Variants in SUGCT observed in about 807,000 individuals in gnomAD.
The protein encoded by SUGCT is succinyl-CoA:glutarate CoA-transferase.
In SUGCT, 41 loss-of-function variants were observed where a neutral mutation model predicts 55.0. That is an observed-to-expected ratio of 0.74 (90% CI 0.58 to 0.97). SUGCT has a LOEUF of 0.97. Among genes scored for constraint, SUGCT ranks in the 50% least tolerant of loss-of-function variants. SUGCT has a pLI of 0.00. For missense variants in SUGCT, 568 were observed against 547.8 expected (o/e 1.04, Z -0.37); for synonymous variants, 187 against 200.4 (o/e 0.93, Z 0.56).
At chr7:40,683,306 A>G (rs1022979089) in intron 12 of SUGCT, among the ~76,000 whole-genome samples, 9 of 152,118 alleles carry the variant, frequency 5.9e-5, no homozygotes, top group African/African-American at 2.2e-4. Flanking sequence ...TAGCCCTGAA[A>G]CTTCTGCAAA....
At chr7:40,676,889 A>G (rs1784011050) in intron 12 of SUGCT, among the ~76,000 whole-genome samples, 1 of 127,480 alleles carries the variant, frequency 7.8e-6, no homozygotes, top group African/African-American at 3.1e-5. Flanking sequence ...AAACTTTCAG[A>G]ATGACGTGTG....
chr7:40,709,794 A>G (rs1785613718), intron 12 of SUGCT, among the ~76,000 whole-genome samples: 1 of 152,178 alleles, frequency 6.6e-6, no homozygotes, highest in Non-Finnish European at 1.5e-5. Context: ...TCAGTTTCAG[A>G]ATCACTTGGA....
At chr7:40,926,243 CT>C in the SUGCT span, among the ~76,000 whole-genome samples, 3 of 152,002 alleles carry the variant, frequency 2.0e-5, no homozygotes, top group Admixed American at 6.6e-5. Context: ...GTAATCAAGC[CT>C]TATTCTTCTT....
chr7:40,350,932 C>G (rs935290525), intron 9 of SUGCT, among the ~76,000 whole-genome samples: 1 of 151,962 alleles, frequency 6.6e-6, no homozygotes, highest in Non-Finnish European at 1.5e-5. Context: ...ATGATGGGTT[C>G]CAGTTTCATC....
intron 10 of SUGCT, among the ~76,000 whole-genome samples, chr7:40,454,288 G>A (rs1020842582): frequency 4.6e-5 from 7 of 152,166 alleles, no homozygotes; most frequent in Non-Finnish European, 5.9e-5. Flanking sequence ...ACCAAATTTG[G>A]TAAAAGTTAA....
chr7:40,988,128 G>C, the SUGCT span, among the ~76,000 whole-genome samples: 4 of 151,494 alleles, frequency 2.6e-5, no homozygotes, highest in African/African-American at 9.7e-5. Flanking sequence ...CAAGTAGTTA[G>C]GGTTTATTCG....
intron 12 of SUGCT, among the ~76,000 whole-genome samples, chr7:40,678,816 G>A (rs1167347868): frequency 6.6e-6 from 1 of 152,154 alleles, no homozygotes; most frequent in Non-Finnish European, 1.5e-5. Flanking sequence ...ATCTCACACT[G>A]TAACCAATTT....
chr7:40,885,928 A>G, the SUGCT span, among the ~76,000 whole-genome samples: 1 of 152,234 alleles, frequency 6.6e-6, no homozygotes, highest in Non-Finnish European at 1.5e-5. Flanking sequence ...TCATTATAAC[A>G]GATAGTTAAT....
chr7:40,875,753 G>A, the SUGCT span, among the ~76,000 whole-genome samples: 1 of 152,190 alleles, frequency 6.6e-6, no homozygotes, highest in African/African-American at 2.4e-5. Context: ...CTCCTGCAAA[G>A]ATGAGTCTGT....
the SUGCT span, among the ~76,000 whole-genome samples, chr7:40,914,261 T>TTTCTTTTTTTC: frequency 2.4e-5 from 2 of 81,784 alleles, no homozygotes; most frequent in Admixed American, 1.1e-4. Flanking sequence ...ATTTTATTTA[T>TTTCTTTTTTTC]TTATTTTTTT....
chr7:40,895,497 T>A, the SUGCT span, among the ~76,000 whole-genome samples: 1 of 152,114 alleles, frequency 6.6e-6, no homozygotes, highest in Non-Finnish European at 1.5e-5. Context: ...TCACAAACTA[T>A]GATCAAGTGG....
At chr7:40,375,010 T>C (rs1784475304) in intron 9 of SUGCT, among the ~76,000 whole-genome samples, 1 of 152,088 alleles carries the variant, frequency 6.6e-6, no homozygotes, top group Non-Finnish European at 1.5e-5. Flanking sequence ...GGAATAAAGA[T>C]TGTCACGTGT....
At chr7:40,269,808 C>T (rs951347289) in intron 7 of SUGCT, among the ~76,000 whole-genome samples, 5 of 152,066 alleles carry the variant, frequency 3.3e-5, no homozygotes, top group Non-Finnish European at 1.5e-5. Flanking sequence ...TAAATTAGGT[C>T]ATTTTTCTTG....
the SUGCT span, among the ~76,000 whole-genome samples, chr7:40,887,884 A>AC: frequency 8.5e-5 from 13 of 152,276 alleles, no homozygotes; most frequent in Admixed American, 2.6e-4. Context: ...GGAATGTGGT[A>AC]CCGGAAAGTG....
At chr7:40,598,463 A>G (rs147745492) in intron 12 of SUGCT, among the ~76,000 whole-genome samples, 2 of 152,324 alleles carry the variant, frequency 1.3e-5, no homozygotes, top group African/African-American at 4.8e-5. Context: ...CTCTTTAGAA[A>G]GGCCAGTGGA....
chr7:41,019,498 A>G, the SUGCT span, among the ~76,000 whole-genome samples: 4 of 152,216 alleles, frequency 2.6e-5, no homozygotes, highest in African/African-American at 9.6e-5. Flanking sequence ...TGGAAATCCA[A>G]CCTGTTCATA....
the SUGCT span, among the ~76,000 whole-genome samples, chr7:41,010,985 A>C: frequency 3.3e-5 from 5 of 152,218 alleles, no homozygotes; most frequent in African/African-American, 7.2e-5. Flanking sequence ...CAAACAAACA[A>C]AAAGAAATGA....
chr7:40,142,894 A>C (rs1788059181), intron 1 of SUGCT, among the ~76,000 whole-genome samples: 1 of 152,210 alleles, frequency 6.6e-6, no homozygotes, highest in African/African-American at 2.4e-5. Flanking sequence ...ATAGTTAATA[A>C]ATTGCTGTTG....
the SUGCT span, among the ~76,000 whole-genome samples, chr7:40,890,820 A>T: frequency 2.0e-5 from 3 of 152,218 alleles, no homozygotes; most frequent in Admixed American, 2.0e-4. Flanking sequence ...TAATCTAAAG[A>T]AATGGATATC....
Sources: gnomAD v4.1 joint callset for allele counts (sites outside exome capture counted in the v4.1 genomes callset) on GRCh38, gnomAD v4.1.1 for gene constraint, MANE v1.5 for transcripts, NCBI Gene and HGNC (gene_info 2026-07-23, HGNC 2026-07-21) for gene names.